The following ETNK1 variants were observed in gnomAD, a reference collection of about 807,000 sequenced individuals.
The protein encoded by ETNK1 is ethanolamine kinase 1.
ETNK1 carries 8 observed loss-of-function variants against 45.1 expected under a neutral mutation model. The observed-to-expected ratio is 0.18, with a 90% CI of 0.10 to 0.32. ETNK1 has a LOEUF of 0.32. Ranked by LOEUF, ETNK1 falls within the 10% of genes least tolerant of loss-of-function variation. The probability of loss-of-function intolerance (pLI) is 1.00; values close to 1 mark genes in which losing one functional copy is unlikely to be tolerated. For missense variants in ETNK1, 302 were observed against 430.6 expected, an observed-to-expected ratio of 0.70 and a Z score of 2.64; for synonymous variants, 152 against 151.9, an observed-to-expected ratio of 1.00 and a Z score of -0.01.
In ETNK1 at chr12:22,625,844, C is replaced by CGG. The variant is rs1010722973; in HGVS notation, c.156+263_156+264dup. ...GCTGCGTAAGTGACGGACCCATCCA[C>CGG]GGGGGGAGATTCCTGCTGATAGTTG... On this transcript the variant is annotated intron_variant, in intron 1 of 7. Coordinates refer to ENST00000266517, the MANE Select transcript of ETNK1 (RefSeq NM_018638.5). 3 of 689,560 alleles carry CGG rather than the reference C, an allele frequency of 4.4e-6. No individual in the cohort carries two copies. The South Asian group carries it at 4.5e-5, about 10-fold the overall frequency. 42.7% of individuals were successfully genotyped at this position (689,560 alleles called of 1,614,324 possible). A position where few individuals can be genotyped will look rare whatever the true frequency, so the allele number is the denominator to read the frequency against.
intron 1 of ETNK1, chr12:22,625,905 A>G (rs74068256): frequency 0.012 from 7,344 of 615,190 alleles, 231 homozygotes; most frequent in African/African-American, 0.074. Context: ...GGTCACTGCA[A>G]AATGAACCTT....
chr12:22,665,076 T>C (rs1253251703), intron 4 of ETNK1, among the ~76,000 whole-genome samples: 2 of 152,152 alleles, frequency 1.3e-5, no homozygotes, highest in African/African-American at 2.4e-5. Flanking sequence ...ATTTATAGCT[T>C]AGTTACTATC....
At chr12:22,674,195 T>G (rs1335034329) in intron 6 of ETNK1, among the ~76,000 whole-genome samples, 1 of 152,198 alleles carries the variant, frequency 6.6e-6, no homozygotes, top group Non-Finnish European at 1.5e-5. Context: ...CTACTTCTCT[T>G]TACATGCATT....
intron 6 of ETNK1, among the ~76,000 whole-genome samples, chr12:22,676,773 G>A (rs754163352): frequency 3.3e-5 from 5 of 152,024 alleles, no homozygotes; most frequent in Non-Finnish European, 5.9e-5. Context: ...GTGATGATGA[G>A]CTTTTTTTCA....
chr12:22,671,442 A>AG, intron 5 of ETNK1, 87 bp downstream of exon 5: 4 of 895,846 alleles, frequency 4.5e-6, no homozygotes, highest in South Asian at 2.9e-5. Flanking sequence ...AACCGTGAGC[A>AG]GGGGGAACAT....
At chr12:22,647,528 C>T (rs903492039) in intron 2 of ETNK1, among the ~76,000 whole-genome samples, 2 of 151,860 alleles carry the variant, frequency 1.3e-5, no homozygotes, top group African/African-American at 2.4e-5. Flanking sequence ...AATTATGCTA[C>T]TGTTGAAATG....
rs148882048 is a variant in ETNK1 at position 22,655,638 on chromosome 12, A to T, written c.417-3376A>T. Among the ~76,000 whole-genome samples the T allele has an allele frequency of 3.5e-4, 52 of 148,518 alleles. No individual in the cohort carries two copies. The East Asian group carries it at 8.3e-3, about 24-fold the overall frequency. ...AGGCATGAGCCACCATGCCCAGCCT[A>T]TAGGATATTTGTATATGAATCTGTA... is the stretch of plus-strand genomic sequence containing the variant. On this transcript the variant is annotated intron_variant, in intron 2 of 7. Transcript: ENST00000266517.
chr12:22,627,169 C>T (rs548871189), intron 1 of ETNK1, among the ~76,000 whole-genome samples: 11 of 151,292 alleles, frequency 7.3e-5, no homozygotes, highest in Admixed American at 4.6e-4. Flanking sequence ...TTATCTTAGT[C>T]GCCCGAACAA....
chr12:22,625,600 C>T lies in ETNK1; in HGVS notation c.156+14C>T. On this transcript the variant is annotated intron_variant, in intron 1 of 7. Coordinates refer to ENST00000266517, the MANE Select transcript of ETNK1 (RefSeq NM_018638.5). Reference sequence around the variant, plus strand: ...GTGACCCTGCAGGTAACGCCCACACCTCAGCTCTGGGTCTCTTATGCCCCT... The same window carrying T: ...GTGACCCTGCAGGTAACGCCCACACTTCAGCTCTGGGTCTCTTATGCCCCT... 6.4e-7 allele frequency: 1 copy of T among 1,565,738 alleles called. No homozygotes were observed. Among genetic ancestry groups the T allele is most frequent in the Non-Finnish European group, 8.6e-7 (1 of 1,157,018 alleles).
At chr12:22,673,824 G>A (rs1484415398) in intron 6 of ETNK1, among the ~76,000 whole-genome samples, 164 bp downstream of exon 6, 1 of 152,120 alleles carries the variant, frequency 6.6e-6, no homozygotes. Context: ...CATTGCATTA[G>A]TTTTAAGGAC....
At chr12:22,632,885 C>T (rs1953598853) in intron 1 of ETNK1, among the ~76,000 whole-genome samples, 1 of 151,956 alleles carries the variant, frequency 6.6e-6, no homozygotes, top group South Asian at 2.1e-4. Context: ...TGGCGTATGC[C>T]CAGATTTTGA....
chr12:22,666,382 A>G (rs754426193), intron 4 of ETNK1, among the ~76,000 whole-genome samples: 2 of 152,214 alleles, frequency 1.3e-5, no homozygotes, highest in Non-Finnish European at 2.9e-5. Context: ...TTTTAAATCA[A>G]TCATTAATTT....
chr12:22,629,373 A>G (rs1353884241), intron 1 of ETNK1, among the ~76,000 whole-genome samples: 1 of 152,110 alleles, frequency 6.6e-6, no homozygotes, highest in Non-Finnish European at 1.5e-5. Context: ...AAATCTTTTC[A>G]TCATTTTTTT....
chr12:22,654,307 A>T (rs1465258779), intron 2 of ETNK1, among the ~76,000 whole-genome samples: 8 of 152,242 alleles, frequency 5.3e-5, no homozygotes, highest in Admixed American at 5.2e-4. Flanking sequence ...AAGACCAGTA[A>T]TTCTGAGACC....
intron 3 of ETNK1, among the ~76,000 whole-genome samples, chr12:22,660,721 G>C (rs1334617215): frequency 6.6e-6 from 1 of 151,774 alleles, no homozygotes; most frequent in Non-Finnish European, 1.5e-5. Context: ...TTGTGTCTTA[G>C]TTTTGTCATC....
intron 2 of ETNK1, among the ~76,000 whole-genome samples, chr12:22,648,740 G>A (rs1413927085): frequency 1.3e-5 from 2 of 152,030 alleles, no homozygotes; most frequent in Non-Finnish European, 2.9e-5. Context: ...AAATGCTGAC[G>A]AGCATGATTG....
At chr12:22,650,253 T>C (rs1953858187) in intron 2 of ETNK1, among the ~76,000 whole-genome samples, 1 of 151,956 alleles carries the variant, frequency 6.6e-6, no homozygotes, top group Non-Finnish European at 1.5e-5. Context: ...CAGTTTTTTT[T>C]TTTTCTTACC....
chr12:22,656,648 A>G, intron 2 of ETNK1: 2 of 985,374 alleles, frequency 2.0e-6, no homozygotes, highest in Non-Finnish European at 2.4e-6. Flanking sequence ...ACGAGAAGTC[A>G]TGGAGTTCTG....
Position 22,687,003 on chromosome 12 carries a change from A to T in ETNK1, c.*2049A>T, listed in dbSNP as rs1592140464. On this transcript the variant is annotated 3_prime_UTR_variant, in exon 8 of 8. Coordinates refer to ENST00000266517, the MANE Select transcript of ETNK1 (RefSeq NM_018638.5). ...ATTTTGAATAGAGGTTCACTGAGCC[A>T]TTGCTGATAGACTGTGCATAGCTAC... The T allele has an allele frequency of 6.6e-6, 1 of 151,596 alleles. No individual in the cohort carries two copies. The highest frequency in any genetic ancestry group is 1.9e-4 in the East Asian group (1 of 5,186). The allele number at this position is 151,596 out of a possible 1,614,324, so 9.4% of individuals were successfully genotyped here.
Sources: allele counts gnomAD v4.1 joint callset (sites outside exome capture counted in the v4.1 genomes callset), GRCh38; gene constraint gnomAD v4.1.1; transcripts MANE v1.5; gene names NCBI Gene and HGNC (gene_info 2026-07-23, HGNC 2026-07-21).